The following PRIMA1 variants were observed in gnomAD, a reference collection of about 807,000 sequenced individuals.
PRIMA1 encodes proline rich membrane anchor 1, also known as proline-rich membrane anchor 1.
Under a neutral mutation model 17.5 loss-of-function variants are expected in PRIMA1, and 7 were observed. The observed-to-expected ratio is 0.40, with a 90% CI of 0.23 to 0.75. The LOEUF (loss-of-function observed/expected upper bound fraction) is 0.75. Ranked by LOEUF, PRIMA1 falls within the 30% of genes least tolerant of loss-of-function variation. PRIMA1 has a pLI of 0.37. For missense variants in PRIMA1, 200 were observed against 201.8 expected (o/e 0.99, Z 0.05); for synonymous variants, 97 against 77.9 (o/e 1.25, Z -1.29).
At chr14:93,740,932 T>C (rs1279845564) in intron 3 of PRIMA1, among the ~76,000 whole-genome samples, 1 of 152,224 alleles carries the variant, frequency 6.6e-6, no homozygotes, top group East Asian at 1.9e-4. Flanking sequence ...ACATTCTCTG[T>C]TAGTTAAGTG....
intron 3 of PRIMA1, among the ~76,000 whole-genome samples, chr14:93,741,822 C>T (rs2076186126): frequency 6.6e-6 from 1 of 152,076 alleles, no homozygotes; most frequent in Admixed American, 6.6e-5. Context: ...CCTCTGTCAC[C>T]CCCTCTACCT....
chr14:93,767,975 G>A (rs1159433862), intron 3 of PRIMA1, among the ~76,000 whole-genome samples: 1 of 152,146 alleles, frequency 6.6e-6, no homozygotes, highest in Non-Finnish European at 1.5e-5. Flanking sequence ...AATATGATCT[G>A]GAATGAGACG....
chr14:93,741,888 C>G (rs531395618), intron 3 of PRIMA1, among the ~76,000 whole-genome samples: 1 of 152,194 alleles, frequency 6.6e-6, no homozygotes, highest in South Asian at 2.1e-4. Flanking sequence ...TCTCAGGGGT[C>G]GCAACACCTT....
chr14:93,762,523 A>G (rs1194945064), intron 3 of PRIMA1, among the ~76,000 whole-genome samples: 5 of 151,976 alleles, frequency 3.3e-5, no homozygotes, highest in Admixed American at 3.3e-4. Context: ...CTGACTCAGA[A>G]GTACAGTAGG....
intron 3 of PRIMA1, among the ~76,000 whole-genome samples, chr14:93,744,624 T>C (rs1489064563): frequency 2.6e-5 from 4 of 152,162 alleles, no homozygotes; most frequent in Admixed American, 2.6e-4. Context: ...CTTTGGGATG[T>C]GACTGGATGA....
intron 4 of PRIMA1, among the ~76,000 whole-genome samples, chr14:93,731,748 C>T (rs1423383201): frequency 1.3e-5 from 2 of 152,190 alleles, no homozygotes; most frequent in Non-Finnish European, 2.9e-5. Context: ...AGAACAGGGA[C>T]TGTCTTGTTT....
chr14:93,743,205 C>A (rs2076194811), intron 3 of PRIMA1, among the ~76,000 whole-genome samples: 2 of 152,204 alleles, frequency 1.3e-5, no homozygotes, highest in Non-Finnish European at 2.9e-5. Flanking sequence ...GCCCACTCGC[C>A]CCCATGGCTC....
intron 3 of PRIMA1, among the ~76,000 whole-genome samples, chr14:93,750,117 G>A (rs2076251002): frequency 6.6e-6 from 1 of 152,186 alleles, no homozygotes; most frequent in Non-Finnish European, 1.5e-5. Context: ...GAGCCCGGGA[G>A]GCAGAGGTTG....
intron 4 of PRIMA1, among the ~76,000 whole-genome samples, chr14:93,731,613 A>G (rs1409496699): frequency 6.6e-6 from 1 of 152,156 alleles, no homozygotes; most frequent in Admixed American, 6.5e-5. Flanking sequence ...AGAGGACACA[A>G]CCTTCACTCC....
intron 2 of PRIMA1, among the ~76,000 whole-genome samples, chr14:93,787,073 T>C (rs562351362): frequency 3.3e-5 from 5 of 152,214 alleles, no homozygotes; most frequent in Middle Eastern, 3.4e-3. Context: ...CCCTAAGAGG[T>C]AACTCCAGTT....
intron 3 of PRIMA1, among the ~76,000 whole-genome samples, chr14:93,751,157 G>A (rs2076257102): frequency 6.6e-6 from 1 of 152,160 alleles, no homozygotes; most frequent in Admixed American, 6.5e-5. Context: ...CTGACTTTTC[G>A]GGCACCTGCA....
At chr14:93,763,140 T>A (rs1884783983) in intron 3 of PRIMA1, among the ~76,000 whole-genome samples, 2 of 152,206 alleles carry the variant, frequency 1.3e-5, no homozygotes, top group Admixed American at 1.3e-4. Context: ...GAACTCAGGA[T>A]CTATTTTGTT....
chr14:93,757,950 C>T (rs936756063), intron 3 of PRIMA1, among the ~76,000 whole-genome samples: 3 of 152,098 alleles, frequency 2.0e-5, no homozygotes, highest in Non-Finnish European at 4.4e-5. Flanking sequence ...CGCGGGGAGC[C>T]GATGATGCTT....
chr14:93,766,773 A>G (rs371456714), intron 3 of PRIMA1, among the ~76,000 whole-genome samples: 138 of 152,350 alleles, frequency 9.1e-4, no homozygotes, highest in African/African-American at 3.2e-3. Context: ...TCCCATGAAC[A>G]GCAAAACCAA....
intron 4 of PRIMA1, among the ~76,000 whole-genome samples, chr14:93,737,021 T>C (rs1033307867): frequency 6.6e-6 from 1 of 152,170 alleles, no homozygotes; most frequent in South Asian, 2.1e-4. Context: ...ATGAAAAAGA[T>C]CAAAGGAAAA....
intron 2 of PRIMA1, among the ~76,000 whole-genome samples, chr14:93,780,989 C>T (rs953290709): frequency 6.6e-5 from 10 of 151,606 alleles, no homozygotes; most frequent in African/African-American, 2.4e-4. Context: ...CCCTCTGTCA[C>T]GTGGCAGGGA....
At chr14:93,772,622 G>A (rs1885102471) in intron 3 of PRIMA1, among the ~76,000 whole-genome samples, 1 of 152,242 alleles carries the variant, frequency 6.6e-6, no homozygotes, top group Admixed American at 6.5e-5. Flanking sequence ...CTCTGCCAGG[G>A]TTCATGCCCA....
intron 3 of PRIMA1, among the ~76,000 whole-genome samples, chr14:93,759,423 C>T (rs530418280): frequency 3.1e-4 from 47 of 151,840 alleles, no homozygotes; most frequent in Non-Finnish European, 4.6e-4. Flanking sequence ...AAAATCTGCT[C>T]AAGGTGAGAA....
intron 3 of PRIMA1, among the ~76,000 whole-genome samples, chr14:93,757,337 G>A (rs538022341): frequency 2.0e-5 from 3 of 152,358 alleles, no homozygotes; most frequent in East Asian, 3.9e-4. Context: ...CACTCCCGCC[G>A]ATCCGTTCCC....
Sources: gnomAD v4.1 joint callset for allele counts (sites outside exome capture counted in the v4.1 genomes callset) on GRCh38, gnomAD v4.1.1 for gene constraint, MANE v1.5 for transcripts, NCBI Gene and HGNC (gene_info 2026-07-23, HGNC 2026-07-21) for gene names.